The following AKAP19 variants were observed in gnomAD, a reference collection of about 807,000 sequenced individuals.
The protein encoded by AKAP19 is small A-kinase anchoring protein.
chr2:190,141,018 T>A, the AKAP19 span, among the ~76,000 whole-genome samples: 1 of 152,210 alleles, frequency 6.6e-6, no homozygotes, highest in Non-Finnish European at 1.5e-5. Context: ...GCCACCTGTC[T>A]CTTTGCTAAA....
the AKAP19 span, among the ~76,000 whole-genome samples, chr2:190,163,449 AAAAAAC>A: frequency 7.5e-6 from 1 of 132,652 alleles, no homozygotes; most frequent in South Asian, 2.4e-4. Context: ...AACAAAAAAC[AAAAAAC>A]AAAAAAAAAA....
chr2:190,123,349 T>C, the AKAP19 span, among the ~76,000 whole-genome samples: 5 of 152,176 alleles, frequency 3.3e-5, no homozygotes, highest in African/African-American at 1.2e-4. Flanking sequence ...TAGTTTTATT[T>C]TACCTGCAAA....
the AKAP19 span, among the ~76,000 whole-genome samples, chr2:189,913,780 T>C: frequency 6.6e-6 from 1 of 152,158 alleles, no homozygotes; most frequent in African/African-American, 2.4e-5. Flanking sequence ...TTCAAATGTG[T>C]GACCATTTTT....
At chr2:190,173,704 T>C in the AKAP19 span, among the ~76,000 whole-genome samples, 2 of 152,208 alleles carry the variant, frequency 1.3e-5, no homozygotes, top group Admixed American at 6.5e-5. Context: ...AGTCCTCTCT[T>C]AATTAAATCC....
chr2:190,025,868 A>C, the AKAP19 span, among the ~76,000 whole-genome samples: 6 of 152,194 alleles, frequency 3.9e-5, no homozygotes, highest in Non-Finnish European at 8.8e-5. Context: ...TACAGTATAT[A>C]GCCTTTTAAA....
At chr2:190,181,224 G>T in the AKAP19 span, 2 of 900,180 alleles carry the variant, frequency 2.2e-6, no homozygotes, top group Non-Finnish European at 1.3e-6. Flanking sequence ...GTTACAGGAG[G>T]CTTTAATTAA....
the AKAP19 span, among the ~76,000 whole-genome samples, chr2:189,950,189 G>A: frequency 2.0e-5 from 3 of 150,602 alleles, no homozygotes; most frequent in South Asian, 2.1e-4. Context: ...CATGATGCCC[G>A]GCTAATTTTT....
At chr2:189,884,497 A>G in the AKAP19 span, among the ~76,000 whole-genome samples, 1 of 152,184 alleles carries the variant, frequency 6.6e-6, no homozygotes, top group Non-Finnish European at 1.5e-5. Context: ...ACACTTCCCC[A>G]TATACATAGT....
At chr2:190,025,029 A>G in the AKAP19 span, among the ~76,000 whole-genome samples, 1 of 152,144 alleles carries the variant, frequency 6.6e-6, no homozygotes, top group Admixed American at 6.6e-5. Flanking sequence ...AGGAGGAGGT[A>G]TATTGTTTTT....
the AKAP19 span, among the ~76,000 whole-genome samples, chr2:190,179,407 C>CA: frequency 1.2e-3 from 168 of 145,794 alleles, no homozygotes; most frequent in Non-Finnish European, 1.7e-3. This position sits in a 1 kb window ranked among gnomAD's most constrained non-coding sequence, Gnocchi z 6.0. Flanking sequence ...GACTCCATCT[C>CA]AAAAAAAAGA....
chr2:190,119,593 C>T, the AKAP19 span, among the ~76,000 whole-genome samples: 54 of 152,306 alleles, frequency 3.5e-4, 1 homozygote, highest in East Asian at 4.8e-3. Flanking sequence ...TAACGGCTTG[C>T]ATTTGCATAT....
chr2:190,198,959 C>T, the AKAP19 span, among the ~76,000 whole-genome samples: 1 of 152,162 alleles, frequency 6.6e-6, no homozygotes, highest in African/African-American at 2.4e-5. Context: ...AACCTTTAAC[C>T]TTAATCTGAG....
chr2:190,068,379 C>T, the AKAP19 span, among the ~76,000 whole-genome samples: 11 of 152,230 alleles, frequency 7.2e-5, no homozygotes, highest in African/African-American at 2.2e-4. Context: ...ACCCAGGCTG[C>T]AGTACAGTAG....
the AKAP19 span, among the ~76,000 whole-genome samples, chr2:190,103,611 C>T: frequency 3.9e-5 from 6 of 152,090 alleles, no homozygotes; most frequent in African/African-American, 1.4e-4. Context: ...AATAAAATAC[C>T]TACGAATACA....
At chr2:190,194,217 T>C in the AKAP19 span, among the ~76,000 whole-genome samples, 1 of 152,152 alleles carries the variant, frequency 6.6e-6, no homozygotes, top group Non-Finnish European at 1.5e-5. Flanking sequence ...TATGTAATAG[T>C]TGTTGGGTGT....
chr2:189,912,074 T>C, the AKAP19 span, among the ~76,000 whole-genome samples: 11 of 120,942 alleles, frequency 9.1e-5, no homozygotes, highest in Non-Finnish European at 1.7e-4. Context: ...AGAATGTACA[T>C]TGTACTTTTT....
the AKAP19 span, among the ~76,000 whole-genome samples, chr2:189,996,727 T>G: frequency 3.3e-5 from 5 of 152,220 alleles, no homozygotes; most frequent in African/African-American, 1.2e-4. Flanking sequence ...TAGACTATTT[T>G]AGTGGAAAAA....
chr2:190,168,146 C>T, the AKAP19 span, among the ~76,000 whole-genome samples: 1 of 152,202 alleles, frequency 6.6e-6, no homozygotes, highest in African/African-American at 2.4e-5. Flanking sequence ...TTCTTAACGT[C>T]TTTGCACCCA....
the AKAP19 span, among the ~76,000 whole-genome samples, chr2:190,000,758 C>T: frequency 3.3e-5 from 5 of 152,120 alleles, no homozygotes; most frequent in Non-Finnish European, 5.9e-5. Flanking sequence ...AATTGTATTG[C>T]TCCTTTGCAT....
Sources: gnomAD v4.1 joint callset for allele counts (sites outside exome capture counted in the v4.1 genomes callset) on GRCh38, gnomAD v4.1.1 for gene constraint, Gnocchi (gnomAD v3.1) non-coding constraint, MANE v1.5 for transcripts, NCBI Gene and HGNC (gene_info 2026-07-23, HGNC 2026-07-21) for gene names.